The following LZTS1 variants were observed in gnomAD, a reference collection of about 807,000 sequenced individuals.
LZTS1 encodes the protein leucine zipper putative tumor suppressor 1.
In LZTS1, 31 loss-of-function variants were observed where a neutral mutation model predicts 45.8. The ratio of observed to expected loss-of-function variants is 0.68; its 90% confidence interval spans 0.51 to 0.91. The LOEUF (loss-of-function observed/expected upper bound fraction) is 0.91, where lower values mean the gene tolerates loss of function less well. Among genes scored for constraint, LZTS1 ranks in the 40% least tolerant of loss-of-function variants. LZTS1 has a pLI of 0.00. For missense variants in LZTS1, 821 were observed against 788.9 expected (o/e 1.04, Z -0.49); for synonymous variants, 359 against 357.3 (o/e 1.00, Z -0.05).
At chr8:20,298,991 G>A (rs534156804) in intron 1 of LZTS1, among the ~76,000 whole-genome samples, 1 of 152,330 alleles carries the variant, frequency 6.6e-6, no homozygotes, top group African/African-American at 2.4e-5. Flanking sequence ...AGCTATGCTC[G>A]ACTGTAGCTG....
In LZTS1 at chr8:20,247,861, C is replaced by T. The variant is rs1477962153; in HGVS notation, c.*1861G>A. The T allele has an allele frequency of 6.5e-6, 1 of 152,830 alleles. No homozygotes were observed. The highest frequency in any genetic ancestry group is 2.1e-4 in the South Asian group (1 of 4,836). 9.5% of individuals were successfully genotyped at this position (152,830 alleles called of 1,614,324 possible). A position where few individuals can be genotyped will look rare whatever the true frequency, so the allele number is the denominator to read the frequency against. ...TTGGACTCGCAAGTTCCCAGACGCT[C>T]CCCTCCTCATCTCAGCAGGCAGCAG... On this transcript the variant is annotated 3_prime_UTR_variant, in exon 4 of 4. Coordinates refer to ENST00000381569, the MANE Select transcript of LZTS1 (RefSeq NM_021020.5).
At chr8:20,262,780 T>G (rs541513089) in intron 1 of LZTS1, among the ~76,000 whole-genome samples, 4 of 152,224 alleles carry the variant, frequency 2.6e-5, no homozygotes, top group Non-Finnish European at 5.9e-5. Context: ...CTACAATGAA[T>G]GCACATGACA....
At position 20,253,282 on chromosome 8, in the gene LZTS1, T is replaced by A; in HGVS notation, c.649A>T (p.Ile217Phe). Residue 217 changes from isoleucine to phenylalanine, a missense_variant, in exon 3 of 4, where the codon ATC becomes TTC. Transcript: ENST00000381569. ...ATCATGTTGCTGTCCTGGAGGACGA[T>A]GCCCTGGGTGATGTTGTGGGCGGAG... ...GGSAHNITQG[I>F]VLQDSNMMSL... 1 of 1,614,092 alleles carries A rather than the reference T, an allele frequency of 6.2e-7. No individual in the cohort carries two copies.
chr8:20,253,696 C>T lies in LZTS1; in HGVS notation c.346-111G>A, dbSNP rs148823590. 499 of 745,250 alleles carry T rather than the reference C, an allele frequency of 6.7e-4. 3 individuals are homozygous for T. In the African/African-American group the frequency reaches 7.6e-3, roughly 11 times the overall value. 46.2% of individuals were successfully genotyped at this position (745,250 alleles called of 1,614,324 possible). A position where few individuals can be genotyped will look rare whatever the true frequency, so the allele number is the denominator to read the frequency against. ...AGCCAGTCTGGGCTCTCTGAGCGCA[C>T]GCAGCACCCCTCTTGGTCAATTGTC... is the stretch of plus-strand genomic sequence containing the variant. On this transcript the variant is annotated intron_variant, in intron 2 of 3. Coordinates refer to ENST00000381569, the MANE Select transcript of LZTS1 (RefSeq NM_021020.5).
At chr8:20,276,619 T>A (rs1427232557) in intron 1 of LZTS1, among the ~76,000 whole-genome samples, 1 of 152,204 alleles carries the variant, frequency 6.6e-6, no homozygotes, top group African/African-American at 2.4e-5. Flanking sequence ...AGTAAGTGTG[T>A]TTCACTGAGT....
At chr8:20,294,666 T>G (rs1423733218) in intron 1 of LZTS1, among the ~76,000 whole-genome samples, 1 of 152,098 alleles carries the variant, frequency 6.6e-6, no homozygotes, top group African/African-American at 2.4e-5. Flanking sequence ...CTCCTCCCCT[T>G]GCACTGTGGA....
At chr8:20,264,236 C>T (rs1800303488) in intron 1 of LZTS1, among the ~76,000 whole-genome samples, 2 of 152,196 alleles carry the variant, frequency 1.3e-5, no homozygotes, top group African/African-American at 4.8e-5. Flanking sequence ...GCATGTAGAG[C>T]TAGATCTTCC....
At chr8:20,294,255 G>A (rs572396318) in intron 1 of LZTS1, among the ~76,000 whole-genome samples, 33 of 152,350 alleles carry the variant, frequency 2.2e-4, no homozygotes, top group African/African-American at 7.9e-4. Flanking sequence ...ACAGATGTCC[G>A]AGGTACTGGT....
chr8:20,254,693 T>G, intron 2 of LZTS1, 144 bp downstream of exon 2: 1 of 662,368 alleles, frequency 1.5e-6, no homozygotes, highest in Non-Finnish European at 2.5e-6. Flanking sequence ...GGCCACAGGC[T>G]TCCGCCGGCA....
At chr8:20,271,251 C>T (rs761000236) in intron 1 of LZTS1, among the ~76,000 whole-genome samples, 13 of 152,170 alleles carry the variant, frequency 8.5e-5, no homozygotes, top group South Asian at 8.3e-4. Flanking sequence ...TCCTGCAAGG[C>T]TTCTCAGTGA....
rs1404686492 is a variant in LZTS1, at chr8:20,303,832, C to A, written c.-227G>T. ...TCTCTCTTTTTCCAGAGCTGCTGAG[C>A]GGGCCGGGCCGGTCCCACTGCGCGG... is the stretch of plus-strand genomic sequence containing the variant. On this transcript the variant is annotated 5_prime_UTR_variant, in exon 1 of 4. Transcript: ENST00000381569. 45 of 983,638 alleles carry A rather than the reference C, an allele frequency of 4.6e-5. No homozygotes were observed. The highest frequency in any genetic ancestry group is 5.2e-5 in the Non-Finnish European group (43 of 829,448). The allele number at this position is 983,638 out of a possible 1,614,324, so 60.9% of individuals were successfully genotyped here.
In LZTS1 at chr8:20,252,872, C is replaced by T. The variant is rs1050740829; in HGVS notation, c.1059G>A (p.Met353Ile). 14 of 1,611,270 alleles carry T rather than the reference C, an allele frequency of 8.7e-6. No individual in the cohort carries two copies. The highest frequency in any genetic ancestry group is 1.2e-5 in the Non-Finnish European group (14 of 1,178,860). ...RQLRQELESL[M>I]KEQDLLETKL... ...TGGTCTCCAGCAGGTCCTGCTCCTT[C>T]ATGAGGCTCTCGAGCTCCTGCCGGA... The change falls in exon 3 of 4, where the codon ATG (methionine) becomes ATA (isoleucine). Residue 353 changes from methionine to isoleucine, a missense_variant. Transcript: ENST00000381569.
At chr8:20,292,728 A>G (rs974308992) in intron 1 of LZTS1, among the ~76,000 whole-genome samples, 6 of 152,090 alleles carry the variant, frequency 3.9e-5, no homozygotes, top group East Asian at 1.9e-4. Context: ...CCTGCCTACC[A>G]TTGAGGTCTG....
intron 1 of LZTS1, among the ~76,000 whole-genome samples, chr8:20,286,964 G>T (rs888890243): frequency 6.6e-6 from 1 of 152,112 alleles, no homozygotes; most frequent in Non-Finnish European, 1.5e-5. Context: ...GGTTTCCGGG[G>T]GGTACTTTTA....
chr8:20,281,508 T>C (rs942254723), intron 1 of LZTS1, among the ~76,000 whole-genome samples: 2 of 152,166 alleles, frequency 1.3e-5, no homozygotes, highest in Non-Finnish European at 2.9e-5. Context: ...GAGGCAGAAG[T>C]TGCAGTGAGC....
In LZTS1 at chr8:20,252,894, C is replaced by T. The variant is rs774040491; in HGVS notation, c.1037G>A (p.Arg346Gln). 29 of 1,610,290 alleles carry T rather than the reference C, an allele frequency of 1.8e-5. No homozygotes were observed. The highest frequency in any genetic ancestry group is 1.8e-4 in the South Asian group (16 of 90,962). The change falls in exon 3 of 4, where the codon CGG (arginine) becomes CAG (glutamine). Residue 346 changes from arginine (R) to glutamine (Q), a missense_variant. Physicochemically the swap from Arg to Gln is conservative, Grantham distance 43. Transcript: ENST00000381569. ...LQLQQEKRQL[R>Q]QELESLMKEQ... ...CTTCATGAGGCTCTCGAGCTCCTGCCGGAGCTGCCGCTTCTCCTGCTGAAG... is the reference window on the plus strand; with the variant it reads ...CTTCATGAGGCTCTCGAGCTCCTGCTGGAGCTGCCGCTTCTCCTGCTGAAG...
Position 20,250,120 on chromosome 8 carries a change from G to A in LZTS1, c.1393C>T (p.Arg465Trp), listed in dbSNP as rs1254369653. ...TGCTCCAGCAGGTTCACCTTCTCCC[G>A]CAGCAGCTCCGCCTCGTTCTTCTTG... ...QRKKNEAELL[R>W]EKVNLLEQEL... Residue 465 changes from arginine to tryptophan, a missense_variant, in exon 4 of 4, where the codon CGG becomes TGG. Arg to Trp is a moderately radical substitution (Grantham distance 101). Coordinates refer to ENST00000381569, the MANE Select transcript of LZTS1 (RefSeq NM_021020.5). The A allele has an allele frequency of 3.1e-6, 5 of 1,607,318 alleles. No individual in the cohort carries two copies. The highest frequency in any genetic ancestry group is 1.7e-5 in the Admixed American group (1 of 59,958).
At chr8:20,256,619 TA>T (rs1444358001) in intron 1 of LZTS1, among the ~76,000 whole-genome samples, 1 of 152,130 alleles carries the variant, frequency 6.6e-6, no homozygotes, top group Non-Finnish European at 1.5e-5. Context: ...ACCCTGTCTC[TA>T]AAAAACAGTT....
At chr8:20,276,427 A>G (rs1800584346) in intron 1 of LZTS1, among the ~76,000 whole-genome samples, 2 of 152,278 alleles carry the variant, frequency 1.3e-5, no homozygotes, top group South Asian at 4.2e-4. Flanking sequence ...TGCCTATGCA[A>G]TGTAGCCTCC....
Sources: gnomAD v4.1 joint callset for allele counts (sites outside exome capture counted in the v4.1 genomes callset) on GRCh38, gnomAD v4.1.1 for gene constraint, MANE v1.5 for transcripts, NCBI Gene and HGNC (gene_info 2026-07-23, HGNC 2026-07-21) for gene names.